The following LRTM3 variants were observed in gnomAD, a reference collection of about 807,000 sequenced individuals.
LRTM3 encodes leucine-rich repeat transmembrane protein 3.
the LRTM3 span, among the ~76,000 whole-genome samples, chr13:102,752,491 C>T: frequency 6.6e-6 from 1 of 152,160 alleles, no homozygotes; most frequent in African/African-American, 2.4e-5. Flanking sequence ...TTTCAAAACA[C>T]CATCATTCTT....
chr13:102,740,381 C>G, the LRTM3 span: 4 of 1,550,130 alleles, frequency 2.6e-6, no homozygotes, highest in Non-Finnish European at 3.5e-6. Context: ...CAAGTCTAGT[C>G]CTGGTGTCCG....
the LRTM3 span, chr13:102,738,332 T>C: frequency 1.3e-5 from 20 of 1,550,954 alleles, no homozygotes; most frequent in Non-Finnish European, 1.7e-5. Flanking sequence ...TGATTTTTGG[T>C]GTGATAGTTC....
At chr13:102,736,737 T>C in the LRTM3 span, 4 of 1,550,688 alleles carry the variant, frequency 2.6e-6, no homozygotes, top group Admixed American at 2.0e-5. Flanking sequence ...TTCTCTGCCT[T>C]TACAGCTATG....
the LRTM3 span, chr13:102,740,093 C>T: frequency 1.9e-6 from 3 of 1,549,220 alleles, no homozygotes; most frequent in Non-Finnish European, 2.6e-6. Flanking sequence ...TATAGGCAGA[C>T]ATACTTCTTT....
At chr13:102,737,398 A>C in the LRTM3 span, 2 of 1,550,786 alleles carry the variant, frequency 1.3e-6, no homozygotes, top group Middle Eastern at 1.7e-4. Flanking sequence ...CAGAAGGCAA[A>C]TGTAGGAAGA....
chr13:102,748,418 A>G, the LRTM3 span: 3 of 1,551,136 alleles, frequency 1.9e-6, no homozygotes, highest in Non-Finnish European at 2.6e-6. Context: ...CTCCAGAACA[A>G]GTTCCAAAAA....
chr13:102,735,406 A>G, the LRTM3 span: 1 of 1,551,314 alleles, frequency 6.4e-7, no homozygotes, highest in Non-Finnish European at 8.7e-7. Flanking sequence ...ACACTTTTGC[A>G]ATTCTTATCA....
At chr13:102,757,089 A>G in the LRTM3 span, among the ~76,000 whole-genome samples, 7 of 152,114 alleles carry the variant, frequency 4.6e-5, no homozygotes, top group Admixed American at 3.9e-4. Context: ...TAATATCTCA[A>G]ATGCTGAATC....
At chr13:102,733,602 A>C in the LRTM3 span, 1 of 1,551,220 alleles carries the variant, frequency 6.4e-7, no homozygotes, top group Non-Finnish European at 8.7e-7. Context: ...GTGGGATAGG[A>C]AAGAAACGCA....
At chr13:102,747,457 T>G in the LRTM3 span, 2 of 1,549,118 alleles carry the variant, frequency 1.3e-6, no homozygotes, top group Non-Finnish European at 1.7e-6. Context: ...GTACACTTTT[T>G]GTTTCTGATA....
At chr13:102,737,205 T>G in the LRTM3 span, 1 of 1,551,140 alleles carries the variant, frequency 6.4e-7, no homozygotes, top group South Asian at 1.2e-5. Flanking sequence ...TTCTGTGGCT[T>G]GTATTCTTGT....
chr13:102,739,214 T>G, the LRTM3 span: 4 of 1,550,294 alleles, frequency 2.6e-6, no homozygotes, highest in Non-Finnish European at 3.5e-6. Flanking sequence ...CCGTTGTGGT[T>G]CTTTTCCATG....
the LRTM3 span, chr13:102,730,006 T>C: frequency 1.9e-6 from 3 of 1,551,754 alleles, no homozygotes; most frequent in Non-Finnish European, 1.7e-6. Context: ...CTTCACTGAA[T>C]GATACACTAG....
At chr13:102,739,954 T>C in the LRTM3 span, 2 of 1,550,514 alleles carry the variant, frequency 1.3e-6, no homozygotes. Context: ...GTGAAAATAC[T>C]GATTTCTTCC....
the LRTM3 span, chr13:102,736,745 A>G: frequency 8.4e-6 from 13 of 1,550,716 alleles, no homozygotes; most frequent in South Asian, 1.5e-4. Context: ...CTTTACAGCT[A>G]TGTACTCGGG....
chr13:102,734,692 C>T, the LRTM3 span: 4 of 1,551,010 alleles, frequency 2.6e-6, no homozygotes, highest in Non-Finnish European at 3.5e-6. Flanking sequence ...GTGATATTCT[C>T]CGCAAAATAG....
the LRTM3 span, chr13:102,734,072 T>G: frequency 9.0e-5 from 139 of 1,551,430 alleles, 1 homozygote; most frequent in African/African-American, 1.9e-3. Flanking sequence ...TGCTTCATCT[T>G]TATCTTTGTG....
the LRTM3 span, chr13:102,749,038 A>G: frequency 1.3e-6 from 2 of 1,550,766 alleles, no homozygotes; most frequent in East Asian, 2.4e-5. Context: ...AATTTTTAAC[A>G]TAAGGCAGAA....
chr13:102,745,164 C>CAAG, the LRTM3 span: 1 of 1,550,772 alleles, frequency 6.4e-7, no homozygotes, highest in Admixed American at 2.0e-5. Flanking sequence ...TTGTGAAAGT[C>CAAG]AAGATCCTTC....
Sources: allele counts gnomAD v4.1 joint callset (sites outside exome capture counted in the v4.1 genomes callset), GRCh38; gene constraint gnomAD v4.1.1; transcripts MANE v1.5; gene names NCBI Gene and HGNC (gene_info 2026-07-23, HGNC 2026-07-21).